The following OTOF variants were observed in gnomAD, a reference collection of about 807,000 sequenced individuals.
OTOF encodes fer-1-like family member 2.
Under a neutral mutation model 236.8 loss-of-function variants are expected in OTOF, and 218 were observed. The observed-to-expected ratio is 0.92, with a 90% confidence interval of 0.82 to 1.03. The LOEUF (loss-of-function observed/expected upper bound fraction) is 1.03. Among genes scored for constraint, OTOF ranks in the 50% least tolerant of loss-of-function variants. OTOF has a pLI of 0.00. For synonymous variants in OTOF, 1,041 were observed against 1,072.5 expected, an observed-to-expected ratio of 0.97 and a Z score of 0.57; for missense variants, 2,590 against 2,694.4, an observed-to-expected ratio of 0.96 and a Z score of 0.86.
At chr2:26,548,729 A>C (rs974915774) in intron 1 of OTOF, among the ~76,000 whole-genome samples, 1 of 152,262 alleles carries the variant, frequency 6.6e-6, no homozygotes, top group Non-Finnish European at 1.5e-5. Context: ...TACGTTCTGT[A>C]CACGTTTGTG....
Position 26,467,386 on chromosome 2 carries a change from TTTC to T in OTOF, c.4203_4205del (p.Lys1402del). 6.2e-7 allele frequency: 1 copy of T among 1,613,458 alleles called. No homozygotes were observed. The highest frequency in any genetic ancestry group is 8.5e-7 in the Non-Finnish European group (1 of 1,179,896). ...TCACCTTAAGCTCATCAATCTTGGG[TTTC>T]TTCTTCTCGGGGGCCTCGGACCCCT... On this transcript the variant is annotated inframe_deletion, in exon 34 of 47. Transcript: ENST00000272371.
At chr2:26,530,985 G>A (rs2148116097) in intron 2 of OTOF, among the ~76,000 whole-genome samples, 1 of 152,320 alleles carries the variant, frequency 6.6e-6, no homozygotes, top group Admixed American at 6.5e-5. Flanking sequence ...TGGGCTGTAA[G>A]AAGGAGACTT....
At chr2:26,537,511 CAG>C (rs1362782573) in intron 2 of OTOF, among the ~76,000 whole-genome samples, 4 of 152,216 alleles carry the variant, frequency 2.6e-5, no homozygotes, top group Non-Finnish European at 4.4e-5. Context: ...CTCACCTGTG[CAG>C]AGGTTTCTGG....
chr2:26,551,655 C>T (rs895061017), intron 1 of OTOF, among the ~76,000 whole-genome samples: 2 of 152,194 alleles, frequency 1.3e-5, no homozygotes, highest in Non-Finnish European at 2.9e-5. Context: ...TCCCCCAGTG[C>T]GTGGCACATG....
chr2:26,521,891 C>G (rs542545526), intron 3 of OTOF, among the ~76,000 whole-genome samples: 2 of 152,220 alleles, frequency 1.3e-5, no homozygotes, highest in Non-Finnish European at 2.9e-5. Context: ...GAGGAGACTG[C>G]TCATGTGAAA....
At chr2:26,555,982 G>A (rs1009313020) in intron 1 of OTOF, among the ~76,000 whole-genome samples, 13 of 152,198 alleles carry the variant, frequency 8.5e-5, no homozygotes, top group Non-Finnish European at 1.9e-4. Flanking sequence ...GTAGGATCTA[G>A]GGCTTCTGAC....
intron 1 of OTOF, among the ~76,000 whole-genome samples, chr2:26,540,905 A>G (rs1167347336): frequency 2.0e-5 from 3 of 152,248 alleles, no homozygotes; most frequent in South Asian, 2.1e-4. Context: ...AACAAGAAAT[A>G]TCTCAACAAC....
At chr2:26,475,892 C>T (rs757394517) in intron 24 of OTOF, 22 bp downstream of exon 24, 1 of 1,589,716 alleles carries the variant, frequency 6.3e-7, no homozygotes, top group Admixed American at 1.7e-5. Context: ...GCCAGAGCCA[C>T]TCCCTCCTCC....
chr2:26,483,780 C>T lies in OTOF; in HGVS notation c.1206-132G>A. The T allele has an allele frequency of 4.0e-6, 3 of 759,148 alleles. No individual in the cohort carries two copies. In the South Asian group the frequency reaches 5.4e-5, roughly 14 times the overall value. 47.0% of individuals were successfully genotyped at this position (759,148 alleles called of 1,614,324 possible). On this transcript the variant is annotated intron_variant, in intron 12 of 46. Transcript: ENST00000272371. The stretch of plus-strand genomic sequence containing the variant: ...GAGGGAGCAAGGCTAGGATTAGACA[C>T]TTGTGTTCACGGAACTTGCCCCTTG...
Position 26,523,602 on chromosome 2 carries a change from G to A in OTOF, c.227+4230C>T, listed in dbSNP as rs112054743. On this transcript the variant is annotated intron_variant, in intron 3 of 46. Coordinates refer to ENST00000272371, the MANE Select transcript of OTOF (RefSeq NM_194248.3). ...GTGCCCTGAGTCCTTCAGAGAAGAGGGGCCACTCCGATTCCCTCTCAAAGG... is the reference window on the plus strand; with the variant it reads ...GTGCCCTGAGTCCTTCAGAGAAGAGAGGCCACTCCGATTCCCTCTCAAAGG... 3.2e-3 allele frequency among the ~76,000 whole-genome samples: 485 copies of A among 152,262 alleles called. 4 individuals are homozygous for A. Among genetic ancestry groups the A allele is most frequent in the African/African-American group, 0.011 (462 of 41,546 alleles).
At position 26,484,727 on chromosome 2, in the gene OTOF, C is replaced by T. The variant is rs942693304; in HGVS notation, c.1046-94G>A. ...GGCCAAGGGGTGGCAGAACCAAATG[C>T]TGTCTTGGTCCCTAGAGTCCCGGGA... On this transcript the variant is annotated intron_variant, in intron 11 of 46. Transcript: ENST00000272371. 3.5e-5 allele frequency: 46 copies of T among 1,303,186 alleles called. No individual in the cohort carries two copies. In the Admixed American group the frequency reaches 8.1e-4, roughly 23 times the overall value. The allele number at this position is 1,303,186 out of a possible 1,614,324, so 80.7% of individuals were successfully genotyped here.
At chr2:26,536,923 C>G (rs1012819712) in intron 2 of OTOF, among the ~76,000 whole-genome samples, 4 of 152,264 alleles carry the variant, frequency 2.6e-5, no homozygotes, top group Non-Finnish European at 5.9e-5. Flanking sequence ...GCAGGCTGCT[C>G]GAGCTGGTGT....
intron 40 of OTOF, 139 bp downstream of exon 40, chr2:26,463,825 C>T (rs887659972): frequency 1.7e-6 from 2 of 1,167,372 alleles, no homozygotes; most frequent in East Asian, 2.3e-5. Flanking sequence ...CCCTGAGGGG[C>T]CTTGGTGGGA....
rs747514772 is a variant in OTOF at position 26,527,906 on chromosome 2, C to A, written c.153G>T (p.Pro51=). The A allele has an allele frequency of 6.2e-7, 1 of 1,613,634 alleles. No individual in the cohort carries two copies. Among genetic ancestry groups the A allele is most frequent in the Admixed American group, 1.7e-5 (1 of 60,004 alleles). ...VADFDETFRW[P]VASSIDRNEM... ...CATTTCTGTCGATGCTGCTGGCCAC[C>A]GGCCACCGAAATGTCTGGGGAGAGA... Residue 51 remains proline (P), a synonymous_variant, in exon 3 of 47, where the codon CCG becomes CCT. Transcript: ENST00000272371.
chr2:26,536,894 T>A (rs1232210700), intron 2 of OTOF, among the ~76,000 whole-genome samples: 1 of 152,056 alleles, frequency 6.6e-6, no homozygotes, highest in Non-Finnish European at 1.5e-5. Context: ...CGAAAGAATG[T>A]GAGGAGGCGG....
At chr2:26,474,788 C>G (rs1665175742) in intron 25 of OTOF, 114 bp from the exon 26 acceptor site, 1 of 1,190,636 alleles carries the variant, frequency 8.4e-7, no homozygotes, top group African/African-American at 1.5e-5. Context: ...GTGATCACCC[C>G]ATTTTACAGA....
At chr2:26,484,399 A>T in intron 12 of OTOF, 75 bp downstream of exon 12, 1 of 1,541,128 alleles carries the variant, frequency 6.5e-7, no homozygotes, top group Non-Finnish European at 8.9e-7. Flanking sequence ...TGCTCTCAGC[A>T]AACCCTCACC....
intron 24 of OTOF, 70 bp from the exon 25 acceptor site, chr2:26,475,563 C>A: frequency 6.5e-7 from 1 of 1,543,498 alleles, no homozygotes; most frequent in East Asian, 2.3e-5. Flanking sequence ...CAGAAGCCAC[C>A]CCTACTCACT....
chr2:26,466,953 C>A (rs944118498), intron 35 of OTOF, 102 bp from the exon 36 acceptor site: 162 of 1,564,514 alleles, frequency 1.0e-4, no homozygotes, highest in Non-Finnish European at 1.4e-4. Context: ...TGTGGCAGGG[C>A]CTTCACCCTT....
Sources: allele counts gnomAD v4.1 joint callset (sites outside exome capture counted in the v4.1 genomes callset), GRCh38; gene constraint gnomAD v4.1.1; transcripts MANE v1.5; gene names NCBI Gene and HGNC (gene_info 2026-07-23, HGNC 2026-07-21).